Variants in RAB7A observed in about 807,000 individuals in gnomAD.
RAB7A encodes the protein RAB7A, member RAS oncogene family.
Under a neutral mutation model 24.5 loss-of-function variants are expected in RAB7A, and 2 were observed. The ratio of observed to expected loss-of-function variants is 0.08; its 90% CI spans 0.03 to 0.26. RAB7A has a LOEUF of 0.26. RAB7A is among the 10% of genes least tolerant of loss of function. RAB7A has a pLI of 1.00. For missense variants in RAB7A, 118 were observed against 255.7 expected (o/e 0.46, Z 3.67); for synonymous variants, 100 against 95.9 (o/e 1.04, Z -0.25).
chr3:128,795,475 C>A, intron 2 of RAB7A, 55 bp downstream of exon 2: 1 of 1,485,584 alleles, frequency 6.7e-7, no homozygotes, highest in Non-Finnish European at 9.4e-7. Flanking sequence ...AGCCTCTCTG[C>A]TGTGGAGCCC....
intron 1 of RAB7A, among the ~76,000 whole-genome samples, chr3:128,756,932 C>T (rs1483523564): frequency 6.6e-6 from 1 of 151,898 alleles, no homozygotes; most frequent in Non-Finnish European, 1.5e-5. Flanking sequence ...CAAACTCCAC[C>T]TCGTGGGTTC....
At position 128,806,604 on chromosome 3, in the gene RAB7A, A is replaced by G. The variant is rs753242341; in HGVS notation, c.399+14A>G. On this transcript the variant is annotated intron_variant, in intron 4 of 5. Coordinates refer to ENST00000265062, the MANE Select transcript of RAB7A (RefSeq NM_004637.6). ...GAAAACAGACAAGTAAGTACCAACG[A>G]TGATAGATATTGTCACAGACACCTG... 1.2e-5 allele frequency: 19 copies of G among 1,605,502 alleles called. No individual in the cohort carries two copies. The highest frequency in any genetic ancestry group is 3.3e-4 in the Middle Eastern group (2 of 6,056).
At chr3:128,738,155 C>A (rs2070511208) in intron 1 of RAB7A, among the ~76,000 whole-genome samples, 1 of 152,104 alleles carries the variant, frequency 6.6e-6, no homozygotes, top group African/African-American at 2.4e-5. Flanking sequence ...ACCTCAGCCT[C>A]CTGAGTAGCT....
intron 5 of RAB7A, 97 bp downstream of exon 5, chr3:128,807,768 A>G: frequency 6.5e-7 from 1 of 1,544,980 alleles, no homozygotes; most frequent in Non-Finnish European, 8.9e-7. Flanking sequence ...TCCCTAACCC[A>G]CTCTTTTCTG....
At chr3:128,751,394 A>G (rs750829883) in intron 1 of RAB7A, among the ~76,000 whole-genome samples, 6 of 152,158 alleles carry the variant, frequency 3.9e-5, no homozygotes, top group Non-Finnish European at 7.4e-5. Flanking sequence ...ATGGGAACCC[A>G]CCTCTTGCTT....
At chr3:128,765,068 CG>C in intron 1 of RAB7A, 1 of 1,032,212 alleles carries the variant, frequency 9.7e-7, no homozygotes, top group Non-Finnish European at 1.5e-6. Context: ...GCTGGAGCGG[CG>C]GCGGGGGCCT....
intron 1 of RAB7A, among the ~76,000 whole-genome samples, chr3:128,791,914 C>T (rs1294767975): frequency 1.3e-5 from 2 of 152,324 alleles, no homozygotes; most frequent in East Asian, 3.9e-4. Flanking sequence ...CCCAGTCTTT[C>T]TCAGTGGGCT....
At chr3:128,797,835 T>C in intron 2 of RAB7A, 108 bp from the exon 3 acceptor site, 1 of 1,361,478 alleles carries the variant, frequency 7.3e-7, no homozygotes. Flanking sequence ...GTGAGGGCAG[T>C]TTCTTGTCCT....
chr3:128,744,913 G>T (rs540246736), intron 1 of RAB7A, among the ~76,000 whole-genome samples: 50 of 123,732 alleles, frequency 4.0e-4, no homozygotes, highest in Non-Finnish European at 7.4e-4. Context: ...TCGCTCTGTT[G>T]CCCAGGCTGG....
intron 1 of RAB7A, among the ~76,000 whole-genome samples, chr3:128,777,053 A>T (rs546820925): frequency 6.6e-6 from 1 of 152,088 alleles, no homozygotes; most frequent in African/African-American, 2.4e-5. Flanking sequence ...CCATTTTAAA[A>T]ATTAGATTAT....
intron 1 of RAB7A, among the ~76,000 whole-genome samples, chr3:128,782,752 A>T (rs1439865295): frequency 6.6e-6 from 1 of 151,946 alleles, no homozygotes; most frequent in Non-Finnish European, 1.5e-5. Context: ...ACTCTCTTCA[A>T]CTATTTATTA....
rs542808404 is a variant in RAB7A, at chr3:128,773,502, G to A, written c.-8-21858G>A. 1.2e-4 allele frequency among the ~76,000 whole-genome samples: 17 copies of A among 144,356 alleles called. 1 individual carries two copies. Among genetic ancestry groups the A allele is most frequent in the Admixed American group, 2.1e-4 (3 of 14,600 alleles). 94.7% of individuals were successfully genotyped at this position (144,356 alleles called of 152,430 possible). On this transcript the variant is annotated intron_variant, in intron 1 of 5. Transcript: ENST00000265062. ...CAGCCCCCGCCCAGCAAGCCGACCC[G>A]TCCGGGAGGTGGGGGGCACCTCTGC...
chr3:128,743,630 A>G (rs114546180), intron 1 of RAB7A, among the ~76,000 whole-genome samples: 122 of 152,316 alleles, frequency 8.0e-4, no homozygotes, highest in African/African-American at 2.8e-3. Flanking sequence ...GAAGAACTGA[A>G]GGAGAGCAGA....
At chr3:128,781,052 A>G (rs541021986) in intron 1 of RAB7A, among the ~76,000 whole-genome samples, 7 of 152,336 alleles carry the variant, frequency 4.6e-5, no homozygotes, top group East Asian at 1.9e-4. Context: ...CAGTACACCA[A>G]TGCAGATCAC....
At position 128,813,350 on chromosome 3, in the gene RAB7A, C is replaced by T. The variant is rs143140848; in HGVS notation, c.552C>T (p.Asn184=). ...LKQETEVELY[N]EFPEPIKLDK... ...AGGAAACGGAGGTGGAGCTGTACAA[C>T]GAATTTCCTGAACCTATCAAACTGG... Residue 184 remains asparagine, a synonymous_variant, in exon 6 of 6, where the codon AAC becomes AAT. Transcript: ENST00000265062. The T allele has an allele frequency of 4.2e-5, 68 of 1,614,070 alleles. No individual in the cohort carries two copies. The Middle Eastern group carries it at 6.6e-4, about 16-fold the overall frequency.
At chr3:128,751,056 C>T (rs2070676116) in intron 1 of RAB7A, among the ~76,000 whole-genome samples, 1 of 152,220 alleles carries the variant, frequency 6.6e-6, no homozygotes, top group African/African-American at 2.4e-5. Context: ...TTGGGAACCT[C>T]TGCCTAGATT....
At position 128,807,617 on chromosome 3, in the gene RAB7A, G is replaced by A. The variant is rs1441173397; in HGVS notation, c.474G>A (p.Glu158=). 9 of 1,614,224 alleles carry A rather than the reference G, an allele frequency of 5.6e-6. No homozygotes were observed. Among genetic ancestry groups the A allele is most frequent in the Admixed American group, 1.7e-5 (1 of 60,028 alleles). Residue 158 remains glutamate, a synonymous_variant, in exon 5 of 6, where the codon GAG becomes GAA. Coordinates refer to ENST00000265062, the MANE Select transcript of RAB7A (RefSeq NM_004637.6). The stretch of plus-strand genomic sequence containing the variant: ...CCTACTTTGAGACCAGTGCCAAGGA[G>A]GCCATCAACGTGGAGCAGGCGTTCC... The part of the protein sequence containing the change: ...NIPYFETSAK[E]AINVEQAFQT...
intron 1 of RAB7A, among the ~76,000 whole-genome samples, chr3:128,756,361 CA>C (rs796338526): frequency 0.017 from 1,991 of 117,576 alleles, 33 homozygotes; most frequent in African/African-American, 0.05. Context: ...GACTTTGTCT[CA>C]AAAAAAAAAA....
intron 5 of RAB7A, among the ~76,000 whole-genome samples, chr3:128,812,661 GACC>G (rs2107618166): frequency 6.6e-6 from 1 of 152,328 alleles, no homozygotes; most frequent in East Asian, 1.9e-4. Flanking sequence ...CCACTAAAAT[GACC>G]ATAGTCCATG....
Sources: allele counts gnomAD v4.1 joint callset (sites outside exome capture counted in the v4.1 genomes callset), GRCh38; gene constraint gnomAD v4.1.1; transcripts MANE v1.5; gene names NCBI Gene and HGNC (gene_info 2026-07-23, HGNC 2026-07-21).